Variants in ATF7 observed in about 807,000 individuals in gnomAD.
ATF7 encodes cyclic AMP-dependent transcription factor ATF-7.
Under a neutral mutation model 50.4 loss-of-function variants are expected in ATF7, and 10 were observed. That is an observed-to-expected ratio of 0.20 (90% confidence interval 0.12 to 0.34). ATF7 has a LOEUF of 0.34. ATF7 is among the 10% of genes least tolerant of loss of function. The probability of loss-of-function intolerance (pLI) is 1.00; values close to 1 mark genes in which losing one functional copy is unlikely to be tolerated. For missense variants in ATF7, 465 were observed against 613.9 expected, an observed-to-expected ratio of 0.76 and a Z score of 2.56; for synonymous variants, 201 against 226.4, an observed-to-expected ratio of 0.89 and a Z score of 1.01.
At position 53,568,392 on chromosome 12, in the gene ATF7, G is replaced by A. The variant is rs577000023; in HGVS notation, c.49-15755C>T. Among the ~76,000 whole-genome samples the A allele has an allele frequency of 4.6e-5, 7 of 151,988 alleles. No homozygotes were observed. The South Asian group carries it at 1.5e-3, about 32-fold the overall frequency. On this transcript the variant is annotated intron_variant, in intron 2 of 11. Transcript: ENST00000420353. ...TGGTTCAAGTTTACAAGGAGATTAC[G>A]CACACACACTCTCTCTCTCTCTTTC...
At chr12:53,563,100 C>T (rs976236141) in intron 2 of ATF7, among the ~76,000 whole-genome samples, 1 of 152,138 alleles carries the variant, frequency 6.6e-6, no homozygotes, top group Non-Finnish European at 1.5e-5. Flanking sequence ...CACACATTCC[C>T]ATATTCCTTG....
At chr12:53,538,760 CCTT>C (rs1335842397) in intron 4 of ATF7, among the ~76,000 whole-genome samples, 1 of 152,104 alleles carries the variant, frequency 6.6e-6, no homozygotes, top group Non-Finnish European at 1.5e-5. Context: ...CCCTTAGAAA[CCTT>C]CTTGATAGCT....
At chr12:53,532,411 C>A in intron 8 of ATF7, 99 bp downstream of exon 8, 1 of 979,864 alleles carries the variant, frequency 1.0e-6, no homozygotes, top group Non-Finnish European at 1.5e-6. Context: ...TTTGCAAGCC[C>A]CAGAAGGTTC....
chr12:53,593,163 G>C (rs769846522), intron 2 of ATF7, among the ~76,000 whole-genome samples: 1 of 152,148 alleles, frequency 6.6e-6, no homozygotes, highest in Non-Finnish European at 1.5e-5. Flanking sequence ...CCAAGTACTT[G>C]GGAGCCTCGG....
At chr12:53,592,977 C>A (rs1943009457) in intron 2 of ATF7, among the ~76,000 whole-genome samples, 1 of 152,066 alleles carries the variant, frequency 6.6e-6, no homozygotes, top group Non-Finnish European at 1.5e-5. Context: ...GACATTTAAC[C>A]AAATGTCGAC....
At chr12:53,606,204 A>ATG (rs769662908) in intron 1 of ATF7, among the ~76,000 whole-genome samples, 3 of 152,102 alleles carry the variant, frequency 2.0e-5, no homozygotes, top group Non-Finnish European at 4.4e-5. Context: ...ATATATATAT[A>ATG]TTCAAGTACA....
At chr12:53,539,121 C>A (rs988713415) in intron 4 of ATF7, among the ~76,000 whole-genome samples, 29 of 152,190 alleles carry the variant, frequency 1.9e-4, no homozygotes, top group African/African-American at 6.8e-4. Flanking sequence ...AAGACCACTC[C>A]TGTACAGGCA....
At chr12:53,521,951 C>T (rs899044363) in intron 11 of ATF7, among the ~76,000 whole-genome samples, 2 of 152,130 alleles carry the variant, frequency 1.3e-5, no homozygotes, top group Admixed American at 6.5e-5. Context: ...TGAAATAATA[C>T]AGTGGAAAAA....
intron 1 of ATF7, among the ~76,000 whole-genome samples, chr12:53,617,636 A>T (rs190553194): frequency 0.01 from 1,533 of 152,132 alleles, 10 homozygotes; most frequent in African/African-American, 0.013. Context: ...CTCAAAAAAA[A>T]TTTTTTTAAA....
At chr12:53,542,883 A>G in intron 4 of ATF7, 1 of 1,003,252 alleles carries the variant, frequency 1.0e-6, no homozygotes, top group Non-Finnish European at 1.2e-6. Flanking sequence ...ATTGAAACAA[A>G]GAAGAGTGGA....
intron 2 of ATF7, among the ~76,000 whole-genome samples, chr12:53,582,295 C>T (rs1414154985): frequency 6.6e-6 from 1 of 150,590 alleles, no homozygotes; most frequent in East Asian, 2.0e-4. Flanking sequence ...TGCCACTACA[C>T]TCCAGCCTGG....
At chr12:53,609,320 A>C (rs1943745427) in intron 1 of ATF7, among the ~76,000 whole-genome samples, 1 of 151,712 alleles carries the variant, frequency 6.6e-6, no homozygotes, top group Admixed American at 6.6e-5. Context: ...ACATGCAGCT[A>C]ATTTTGTATT....
chr12:53,615,689 G>C (rs980607453), intron 1 of ATF7, among the ~76,000 whole-genome samples: 2 of 152,150 alleles, frequency 1.3e-5, no homozygotes, highest in Middle Eastern at 3.4e-3. Context: ...CTGGGCAAGA[G>C]AGCAAAATCC....
At chr12:53,525,407 G>A (rs1938390384) in intron 9 of ATF7, among the ~76,000 whole-genome samples, 1 of 152,134 alleles carries the variant, frequency 6.6e-6, no homozygotes, top group Non-Finnish European at 1.5e-5. Flanking sequence ...ATCAGAATTG[G>A]GGGAGGATTT....
At chr12:53,534,774 A>G (rs1939121316) in intron 5 of ATF7, 115 bp from the exon 6 acceptor site, 4 of 1,190,296 alleles carry the variant, frequency 3.4e-6, no homozygotes, top group Non-Finnish European at 3.5e-6. Context: ...GCCACTCATT[A>G]AATCATGACC....
intron 4 of ATF7, among the ~76,000 whole-genome samples, chr12:53,540,352 CA>C (rs575991616): frequency 0.037 from 2,926 of 78,534 alleles, 72 homozygotes; most frequent in African/African-American, 0.11. Flanking sequence ...GACTCCGTCT[CA>C]AAAAAAAAAA....
chr12:53,543,145 A>T, intron 4 of ATF7, 185 bp downstream of exon 4: 1 of 1,490,884 alleles, frequency 6.7e-7, no homozygotes, highest in Non-Finnish European at 8.9e-7. Context: ...CTGATCCATC[A>T]TCTGGAACTC....
Position 53,555,078 on chromosome 12 carries a change from G to A in ATF7, c.49-2441C>T, listed in dbSNP as rs74677024. On this transcript the variant is annotated intron_variant, in intron 2 of 11. Transcript: ENST00000420353. ...GGCTCATGCTTGTAATCCCAGCACT[G>A]GGAGGCTGAGGCAGGTGGATCACCT... is the stretch of plus-strand genomic sequence containing the variant. Among the ~76,000 whole-genome samples the A allele has an allele frequency of 3.8e-3, 578 of 152,132 alleles. 2 individuals carry two copies. The highest frequency in any genetic ancestry group is 0.013 in the African/African-American group (549 of 41,508).
intron 9 of ATF7, among the ~76,000 whole-genome samples, chr12:53,526,885 G>A (rs767225040): frequency 2.7e-5 from 4 of 149,206 alleles, no homozygotes; most frequent in Non-Finnish European, 5.9e-5. Context: ...TGGGCCGGGC[G>A]CCGTGGCTCA....
Sources: gnomAD v4.1 joint callset for allele counts (sites outside exome capture counted in the v4.1 genomes callset) on GRCh38, gnomAD v4.1.1 for gene constraint, MANE v1.5 for transcripts, NCBI Gene and HGNC (gene_info 2026-07-23, HGNC 2026-07-21) for gene names.